Variants in FOXP2 observed in about 807,000 individuals in gnomAD.
FOXP2 encodes the protein forkhead box protein P2.
Under a neutral mutation model 115.8 loss-of-function variants are expected in FOXP2, and 12 were observed. That is an observed-to-expected ratio of 0.10 (90% CI 0.07 to 0.17). The LOEUF is 0.17. Among genes scored for constraint, FOXP2 ranks in the 10% least tolerant of loss-of-function variants. FOXP2 has a pLI of 1.00. For synonymous variants in FOXP2, 328 were observed against 297.7 expected (o/e 1.10, Z -1.05); for missense variants, 629 against 843.5 (o/e 0.75, Z 3.15).
At chr7:114,164,560 T>G (rs1265874243) in intron 1 of FOXP2, among the ~76,000 whole-genome samples, 1 of 151,924 alleles carries the variant, frequency 6.6e-6, no homozygotes, top group Non-Finnish European at 1.5e-5. Context: ...TGGCCTGGTC[T>G]CGATTTCTTG....
chr7:114,497,725 G>A (rs1450568799), intron 2 of FOXP2, among the ~76,000 whole-genome samples: 1 of 151,752 alleles, frequency 6.6e-6, no homozygotes, highest in African/African-American at 2.4e-5. Flanking sequence ...CATTTAGATA[G>A]TTTAATAGTG....
At chr7:114,526,991 ATTTT>A (rs200748852) in intron 2 of FOXP2, among the ~76,000 whole-genome samples, 4 of 128,844 alleles carry the variant, frequency 3.1e-5, no homozygotes, top group Non-Finnish European at 4.9e-5. Flanking sequence ...CCACTAATCT[ATTTT>A]TTTTTTTTTT....
intron 1 of FOXP2, among the ~76,000 whole-genome samples, chr7:114,121,815 A>G (rs1791575090): frequency 6.6e-6 from 1 of 152,144 alleles, no homozygotes; most frequent in African/African-American, 2.4e-5. Flanking sequence ...TTTATTTTAC[A>G]CTGCCTCAGT....
chr7:114,354,426 T>A (rs1363060896), intron 2 of FOXP2, among the ~76,000 whole-genome samples: 1 of 152,152 alleles, frequency 6.6e-6, no homozygotes, highest in Non-Finnish European at 1.5e-5. Flanking sequence ...ATATCTGTCC[T>A]ATTGGTTTGG....
intron 1 of FOXP2, among the ~76,000 whole-genome samples, chr7:114,157,490 C>T (rs1300478993): frequency 6.6e-6 from 1 of 151,990 alleles, no homozygotes; most frequent in Non-Finnish European, 1.5e-5. Context: ...TATCTAATAG[C>T]TCAGTTTGAT....
intron 6 of FOXP2, among the ~76,000 whole-genome samples, chr7:114,635,889 T>C (rs1018399420): frequency 2.6e-5 from 4 of 152,170 alleles, no homozygotes; most frequent in African/African-American, 9.6e-5. Context: ...AAATGCAACC[T>C]ATAAAAAATG....
At chr7:114,086,961 C>G (rs1313947181), upstream of FOXP2, among the ~76,000 whole-genome samples, 4 of 152,168 alleles carry the variant, frequency 2.6e-5, no homozygotes, top group Non-Finnish European at 5.9e-5. Context: ...GGAGAGACCT[C>G]GGCTGGAGGA....
intron 2 of FOXP2, among the ~76,000 whole-genome samples, chr7:114,458,158 G>A (rs750966544): frequency 2.0e-5 from 3 of 152,100 alleles, no homozygotes; most frequent in Non-Finnish European, 4.4e-5. Flanking sequence ...GAACATATGG[G>A]TATTGCTTAT....
At chr7:114,456,935 A>T (rs1795336190) in intron 2 of FOXP2, among the ~76,000 whole-genome samples, 1 of 152,186 alleles carries the variant, frequency 6.6e-6, no homozygotes, top group African/African-American at 2.4e-5. Context: ...GAGAAAAAAA[A>T]AATACTGCTT....
intron 3 of FOXP2, among the ~76,000 whole-genome samples, chr7:114,540,527 T>A (rs543835351): frequency 1.3e-5 from 2 of 152,080 alleles, no homozygotes; most frequent in Admixed American, 6.6e-5. Flanking sequence ...CAGGGACTTA[T>A]GACTTAGTTG....
intron 3 of FOXP2, chr7:114,538,512 A>T: frequency 2.1e-6 from 1 of 487,770 alleles, no homozygotes; most frequent in Non-Finnish European, 3.3e-6. Context: ...TAAAATTTTT[A>T]TAATTCTGTC....
In FOXP2 at chr7:114,689,793, A is replaced by G. The variant is rs1808561109; in HGVS notation, c.2015A>G (p.His672Arg). Residue 672 changes from histidine (H) to arginine (R), a missense_variant, in exon 17 of 17, where the codon CAC (histidine) becomes CGC (arginine). Physicochemically the swap from His to Arg is conservative, Grantham distance 29. This residue lies in a region of FOXP2 where 117 missense variants were observed against 112.3 expected (regional missense o/e 1.04). Transcript: ENST00000350908. ...CSPQPHIHSIHVKEEPVIAED... is the reference protein window; with the variant it reads ...CSPQPHIHSIRVKEEPVIAED... Reference sequence around the variant, plus strand: ...TACATGTTTTTCAGACATTCAATCCACGTCAAGGAAGAGCCAGTGATTGCA... The same window carrying G: ...TACATGTTTTTCAGACATTCAATCCGCGTCAAGGAAGAGCCAGTGATTGCA... The G allele has an allele frequency of 6.2e-7, 1 of 1,613,332 alleles. No homozygotes were observed. Among genetic ancestry groups the G allele is most frequent in the Non-Finnish European group, 8.5e-7 (1 of 1,179,476 alleles).
chr7:114,374,249 A>C (rs184726123), intron 2 of FOXP2, among the ~76,000 whole-genome samples: 49 of 152,326 alleles, frequency 3.2e-4, no homozygotes, highest in African/African-American at 1.1e-3. Flanking sequence ...ATGTCACAGA[A>C]AGTTCTAATA....
chr7:114,343,223 A>G (rs1213586611), intron 2 of FOXP2, among the ~76,000 whole-genome samples: 1 of 151,570 alleles, frequency 6.6e-6, no homozygotes, highest in Admixed American at 6.6e-5. Flanking sequence ...CATCTTCTAC[A>G]TCTTATTCCT....
intron 2 of FOXP2, among the ~76,000 whole-genome samples, chr7:114,450,759 T>C (rs1795036535): frequency 2.0e-5 from 3 of 152,072 alleles, no homozygotes; most frequent in African/African-American, 2.4e-5. Context: ...GATTTCTTTA[T>C]GATTAAAAAA....
At chr7:114,630,819 C>T (rs945284803) in intron 5 of FOXP2, among the ~76,000 whole-genome samples, 1 of 152,028 alleles carries the variant, frequency 6.6e-6, no homozygotes, top group African/African-American at 2.4e-5. Context: ...TTCCAGTGAG[C>T]GCATCAGAAG....
In FOXP2 at chr7:114,306,013, A is replaced by G. The variant is rs185349938; in HGVS notation, c.-11+17904A>G. ...TTCTTTTTTATACTTTAGCCAAACT[A>G]ATGTTAATCTTCATGAAAAATAATC... On this transcript the variant is annotated intron_variant, in intron 2 of 17. Transcript: ENST00000634411. Among the ~76,000 whole-genome samples, 418 of 152,188 alleles carry G rather than the reference A, an allele frequency of 2.7e-3. 1 individual carries two copies. The highest frequency in any genetic ancestry group is 0.017 in the Middle Eastern group (5 of 294).
At chr7:114,252,304 C>G (rs564127366) in intron 1 of FOXP2, among the ~76,000 whole-genome samples, 1 of 152,250 alleles carries the variant, frequency 6.6e-6, no homozygotes, top group African/African-American at 2.4e-5. Context: ...ATGCTTGCCT[C>G]ATAAAATGAC....
intron 2 of FOXP2, among the ~76,000 whole-genome samples, chr7:114,459,219 G>A (rs575307878): frequency 6.6e-6 from 1 of 152,294 alleles, no homozygotes; most frequent in South Asian, 2.1e-4. Context: ...CAAGTCAGGA[G>A]GGTAGCACAG....
Sources: allele counts gnomAD v4.1 joint callset (sites outside exome capture counted in the v4.1 genomes callset), GRCh38; gene constraint gnomAD v4.1.1; regional missense constraint gnomAD v4.1.1; transcripts MANE v1.5; gene names NCBI Gene and HGNC (gene_info 2026-07-23, HGNC 2026-07-21).